FRK: variants seen among roughly 807,000 people sequenced by gnomAD.
FRK encodes the protein fyn related Src family tyrosine kinase.
A neutral mutation model predicts 56.4 loss-of-function variants in FRK; 51 were observed. The ratio of observed to expected loss-of-function variants is 0.90; its 90% CI spans 0.72 to 1.14. The LOEUF is 1.14. Ranked by LOEUF, FRK falls within the 50% of genes most tolerant of loss-of-function variation. The pLI is 0.00. For missense variants in FRK, 570 were observed against 601.4 expected, an observed-to-expected ratio of 0.95 and a Z score of 0.55; for synonymous variants, 245 against 217.9, an observed-to-expected ratio of 1.12 and a Z score of -1.10.
At chr6:116,085,085 G>A in the FRK span, among the ~76,000 whole-genome samples, 4 of 152,182 alleles carry the variant, frequency 2.6e-5, no homozygotes, top group Non-Finnish European at 5.9e-5. Context: ...GCGTGGCTGA[G>A]GTTGTGTGGG....
intron 1 of FRK, among the ~76,000 whole-genome samples, chr6:116,028,433 C>T (rs1776180009): frequency 6.6e-6 from 1 of 152,088 alleles, no homozygotes; most frequent in South Asian, 2.1e-4. Context: ...TGTAACAAAG[C>T]ACTACAAATG....
At chr6:115,960,450 C>T (rs1350870562) in intron 4 of FRK, among the ~76,000 whole-genome samples, 17 of 150,296 alleles carry the variant, frequency 1.1e-4, no homozygotes, top group East Asian at 2.0e-4. Flanking sequence ...AACTGCAAGG[C>T]GGCAGCGAGG....
the FRK span, among the ~76,000 whole-genome samples, chr6:116,074,800 C>T: frequency 6.6e-6 from 1 of 152,150 alleles, no homozygotes; most frequent in Non-Finnish European, 1.5e-5. Context: ...TCCTAATGCT[C>T]TCCAGTGCCA....
chr6:116,021,056 T>C (rs970288276), intron 1 of FRK, among the ~76,000 whole-genome samples: 18 of 152,134 alleles, frequency 1.2e-4, no homozygotes, highest in Non-Finnish European at 2.6e-4. Flanking sequence ...CATTAACTTT[T>C]AAAATCAAGT....
chr6:116,024,436 C>A (rs1249144012), intron 1 of FRK, among the ~76,000 whole-genome samples: 1 of 149,726 alleles, frequency 6.7e-6, no homozygotes, highest in Non-Finnish European at 1.5e-5. Context: ...CCACAACAGT[C>A]CCCAGAATGT....
At chr6:116,043,535 C>T (rs1366889959) in intron 1 of FRK, among the ~76,000 whole-genome samples, 4 of 152,020 alleles carry the variant, frequency 2.6e-5, no homozygotes, top group Non-Finnish European at 4.4e-5. Context: ...TTCTTTGAAA[C>T]CAACGAGAAC....
rs1777575265 is a variant in FRK at position 116,060,201 on chromosome 6, A to G, written c.111T>C (p.Ser37=). ...AGTGGCCATGCCTCTGTGACTGGGG[A>G]GAGCAAAGGGCCCCTGGATTTTCAA... The part of the protein sequence containing the change: ...TVIENPGALC[S]PQSQRHGHYF... Residue 37 remains serine (S), a synonymous_variant, in exon 1 of 8, where the codon TCT becomes TCC. Transcript: ENST00000606080. 5.0e-6 allele frequency: 8 copies of G among 1,614,076 alleles called. No individual in the cohort carries two copies. Among genetic ancestry groups the G allele is most frequent in the Non-Finnish European group, 6.8e-6 (8 of 1,180,012 alleles).
At position 116,060,546 on chromosome 6, in the gene FRK, G is replaced by C; in HGVS notation, c.-235C>G. On this transcript the variant is annotated 5_prime_UTR_variant, in exon 1 of 8. Coordinates refer to ENST00000606080, the MANE Select transcript of FRK (RefSeq NM_002031.3). ...GGAGGTGCTACCCCGAGGCAAAACT[G>C]AGCAGGAGCTGGGCAGCTGCTCACT... The C allele has an allele frequency of 4.1e-6, 2 of 491,984 alleles. No homozygotes were observed. The highest frequency in any genetic ancestry group is 7.0e-5 in the Admixed American group (2 of 28,400). The allele number at this position is 491,984 out of a possible 1,614,324, so 30.5% of individuals were successfully genotyped here.
Position 115,981,680 on chromosome 6 carries a change from A to C in FRK, c.467-12941T>G, listed in dbSNP as rs961315913. The stretch of plus-strand genomic sequence containing the variant: ...AGACATGTTGAACAGGGTAAACATG[A>C]AAGTCATACAGAAAGGTAACAAACG... On this transcript the variant is annotated intron_variant, in intron 2 of 7. Coordinates refer to ENST00000606080, the MANE Select transcript of FRK (RefSeq NM_002031.3). 2.6e-5 allele frequency among the ~76,000 whole-genome samples: 4 copies of C among 152,124 alleles called. No individual in the cohort carries two copies. The South Asian group carries it at 8.3e-4, about 32-fold the overall frequency.
intron 6 of FRK, 36 bp from the exon 7 acceptor site, chr6:115,943,221 C>T: frequency 3.4e-6 from 5 of 1,478,916 alleles, no homozygotes; most frequent in Non-Finnish European, 4.5e-6. Context: ...CGAGTTAAAG[C>T]AATTTTTTTT....
At chr6:116,043,257 C>T (rs541657309) in intron 1 of FRK, among the ~76,000 whole-genome samples, 1 of 152,328 alleles carries the variant, frequency 6.6e-6, no homozygotes, top group East Asian at 1.9e-4. Flanking sequence ...ATCTACACAA[C>T]TCTCCACCCT....
intron 4 of FRK, among the ~76,000 whole-genome samples, chr6:115,958,640 A>AAAG (rs1240515782): frequency 5.1e-3 from 33 of 6,446 alleles, no homozygotes; most frequent in African/African-American, 0.011. Context: ...AAAAGGAAAG[A>AAAG]AAGAAAAGAA....
the FRK span, among the ~76,000 whole-genome samples, chr6:116,078,953 T>C: frequency 6.6e-6 from 1 of 152,226 alleles, no homozygotes; most frequent in Non-Finnish European, 1.5e-5. Flanking sequence ...TTGTAACATA[T>C]CAAAAGTCCA....
intron 7 of FRK, 28 bp from the exon 8 acceptor site, chr6:115,942,653 C>CAA: frequency 1.3e-6 from 2 of 1,555,982 alleles, no homozygotes; most frequent in Non-Finnish European, 1.8e-6. Context: ...AAACCAACAA[C>CAA]AACAAAAAAA....
the FRK span, among the ~76,000 whole-genome samples, chr6:116,087,331 G>A: frequency 4.3e-3 from 652 of 152,230 alleles, 7 homozygotes; most frequent in African/African-American, 0.015. Flanking sequence ...AAAAATAGAA[G>A]TTTATTCAAT....
the FRK span, among the ~76,000 whole-genome samples, chr6:116,067,915 G>A: frequency 2.8e-4 from 42 of 152,244 alleles, no homozygotes; most frequent in Middle Eastern, 6.8e-3. Flanking sequence ...TAAGCAGACC[G>A]CAAACAATTT....
At chr6:116,083,233 T>C in the FRK span, among the ~76,000 whole-genome samples, 2 of 152,186 alleles carry the variant, frequency 1.3e-5, no homozygotes, top group East Asian at 1.9e-4. Flanking sequence ...TTGTGGAATA[T>C]TGAAGGGCAA....
At position 115,939,100 on chromosome 6, in the gene FRK, C is replaced by T. The variant is rs1396246137; in HGVS notation, c.*3314G>A. The T allele has an allele frequency of 6.6e-6, 1 of 151,938 alleles. No individual in the cohort carries two copies. The highest frequency in any genetic ancestry group is 6.6e-5 in the Admixed American group (1 of 15,260). The allele number at this position is 151,938 out of a possible 1,614,324, so 9.4% of individuals were successfully genotyped here. On this transcript the variant is annotated 3_prime_UTR_variant, in exon 8 of 8. Coordinates refer to ENST00000606080, the MANE Select transcript of FRK (RefSeq NM_002031.3). ...GCAAAAATCCTCAATAAAATACTGG[C>T]AAACTGAGTGCAGCAGCACATCAAA...
intron 2 of FRK, among the ~76,000 whole-genome samples, chr6:115,978,585 T>C (rs1251452831): frequency 1.3e-5 from 2 of 151,958 alleles, no homozygotes; most frequent in Non-Finnish European, 2.9e-5. Context: ...TAAAAACACA[T>C]ACACACACAC....
Sources: allele counts gnomAD v4.1 joint callset (sites outside exome capture counted in the v4.1 genomes callset), GRCh38; gene constraint gnomAD v4.1.1; transcripts MANE v1.5; gene names NCBI Gene and HGNC (gene_info 2026-07-23, HGNC 2026-07-21).